PRMT9: variants seen among roughly 807,000 people sequenced by gnomAD.
PRMT9 encodes protein arginine N-methyltransferase 9.
Under a neutral mutation model 83.2 loss-of-function variants are expected in PRMT9, and 59 were observed. The observed-to-expected ratio is 0.71, with a 90% CI of 0.57 to 0.88. The LOEUF is 0.88. PRMT9 is among the 40% of genes least tolerant of loss of function. The pLI is 0.00. For missense variants in PRMT9, 947 were observed against 1,021.9 expected (o/e 0.93, Z 1.00); for synonymous variants, 333 against 353.2 (o/e 0.94, Z 0.64).
intron 4 of PRMT9, among the ~76,000 whole-genome samples, chr4:147,671,535 T>C (rs1232480802): frequency 6.6e-6 from 1 of 152,258 alleles, no homozygotes; most frequent in Non-Finnish European, 1.5e-5. Context: ...TTTATCTTCC[T>C]ATCTAGACTG....
intron 9 of PRMT9, among the ~76,000 whole-genome samples, chr4:147,650,258 C>T (rs1307420638): frequency 6.6e-6 from 1 of 152,112 alleles, no homozygotes; most frequent in African/African-American, 2.4e-5. Context: ...GATGATATGT[C>T]ATATATAGAA....
Position 147,661,470 on chromosome 4 carries a change from C to T in PRMT9, c.954-432G>A, listed in dbSNP as rs189126481. Among the ~76,000 whole-genome samples the T allele has an allele frequency of 2.0e-5, 3 of 152,242 alleles. No homozygotes were observed. The East Asian group carries it at 5.8e-4, about 29-fold the overall frequency. On this transcript the variant is annotated intron_variant, in intron 6 of 11. Transcript: ENST00000322396. Reference sequence around the variant, plus strand: ...GCACATGAGAAAAGGTGCTCAGCTTCAACAGCCACCCAGGAAATGGAGTTA... The same window carrying T: ...GCACATGAGAAAAGGTGCTCAGCTTTAACAGCCACCCAGGAAATGGAGTTA...
Position 147,683,920 on chromosome 4 carries a change from T to C in PRMT9, c.68A>G (p.Glu23Gly), listed in dbSNP as rs569321947. ...GCTCTGCAAGGACCGCGACACCAGC[T>C]CGTCCCGGCCGGCTGCCCCAGCGCC... The part of the protein sequence containing the change: ...GGGAGAAGRD[E>G]LVSRSLQSAE... Residue 23 changes from glutamate (E) to glycine (G), a missense_variant, in exon 1 of 12, where the codon GAG (glutamate) becomes GGG (glycine). Glu to Gly is a moderately conservative substitution (Grantham distance 98). Transcript: ENST00000322396. The C allele has an allele frequency of 6.2e-7, 1 of 1,613,052 alleles. No homozygotes were observed. The highest frequency in any genetic ancestry group is 1.7e-5 in the Admixed American group (1 of 60,000).
chr4:147,680,095 G>A (rs930496567), intron 2 of PRMT9, among the ~76,000 whole-genome samples: 1 of 152,126 alleles, frequency 6.6e-6, no homozygotes, highest in Non-Finnish European at 1.5e-5. Flanking sequence ...GCCCAGTGAG[G>A]GGAACTCTTC....
intron 2 of PRMT9, among the ~76,000 whole-genome samples, chr4:147,675,937 T>C (rs1314769430): frequency 1.3e-5 from 2 of 152,212 alleles, no homozygotes; most frequent in African/African-American, 4.8e-5. Context: ...ACTTTGGAAA[T>C]ATTTTTCTCC....
chr4:147,673,075 G>T lies in PRMT9; in HGVS notation c.627C>A (p.Ser209=), dbSNP rs1735841021. The stretch of plus-strand genomic sequence containing the variant: ...CACAGGCAAGTTCATACATGGTCTT[G>T]GATAACTCACAGGCATACACGGAAT... ...GAHSVYACEL[S]KTMYELACDV... Residue 209 remains serine (S), a synonymous_variant, in exon 4 of 12, where the codon TCC becomes TCA. Coordinates refer to ENST00000322396, the MANE Select transcript of PRMT9 (RefSeq NM_138364.4). 6.2e-7 allele frequency: 1 copy of T among 1,613,792 alleles called. No individual in the cohort carries two copies. Among genetic ancestry groups the T allele is most frequent in the African/African-American group, 1.3e-5 (1 of 74,880 alleles).
intron 10 of PRMT9, among the ~76,000 whole-genome samples, chr4:147,641,185 A>G (rs1049627896): frequency 2.0e-5 from 3 of 152,164 alleles, no homozygotes; most frequent in Admixed American, 1.3e-4. Flanking sequence ...CCTTCAAAAC[A>G]TAAGTCACAT....
chr4:147,658,908 G>A (rs567171014), intron 7 of PRMT9, among the ~76,000 whole-genome samples: 36 of 152,264 alleles, frequency 2.4e-4, no homozygotes, highest in East Asian at 5.8e-4. Context: ...GGCCGGGCAC[G>A]GTTGCTCACA....
At position 147,660,944 on chromosome 4, in the gene PRMT9, C is replaced by A; in HGVS notation, c.1048G>T (p.Glu350Ter). ...YSSVDTEETI[E>*]PYTTEKMSRV... is the part of the protein sequence containing the mutation. Reference sequence around the variant, plus strand: ...CTCATCTTTTCAGTTGTATAAGGTTCAATTGTTTCTTCAGTATCTACAGAA... The same window carrying A: ...CTCATCTTTTCAGTTGTATAAGGTTAAATTGTTTCTTCAGTATCTACAGAA... Residue 350 changes from glutamate to a stop codon, truncating the protein, a stop_gained, in exon 7 of 12, where the codon GAA (glutamate) becomes TAA (stop). Coordinates refer to ENST00000322396, the MANE Select transcript of PRMT9 (RefSeq NM_138364.4). LOFTEE classifies it high-confidence loss of function. 1.2e-6 allele frequency: 2 copies of A among 1,612,790 alleles called. No homozygotes were observed. The highest frequency in any genetic ancestry group is 1.7e-6 in the Non-Finnish European group (2 of 1,178,950).
intron 1 of PRMT9, among the ~76,000 whole-genome samples, chr4:147,681,840 A>G (rs2126643405): frequency 6.6e-6 from 1 of 151,988 alleles, no homozygotes; most frequent in Admixed American, 6.6e-5. Flanking sequence ...GTCTACAGAT[A>G]AGTGGCTTGG....
In PRMT9 at chr4:147,657,949, C is replaced by G; in HGVS notation, c.1173G>C (p.Lys391Asn). Residue 391 changes from lysine (K) to asparagine (N), a missense_variant, in exon 8 of 12, where the codon AAG becomes AAC. Lys to Asn is a moderately conservative substitution (Grantham distance 94, BLOSUM62 0). Transcript: ENST00000322396. ...LQELKSLATK[K>N]PDKIGIPVIK... ...TAACAGGAATACCAATCTTATCAGGCTTTTTAGTTGCAAGACTTTTTAATT... is the reference window on the plus strand; with the variant it reads ...TAACAGGAATACCAATCTTATCAGGGTTTTTAGTTGCAAGACTTTTTAATT... 6.2e-7 allele frequency: 1 copy of G among 1,606,098 alleles called. No homozygotes were observed.
intron 1 of PRMT9, 151 bp from the exon 2 acceptor site, chr4:147,680,622 G>C: frequency 1.5e-6 from 1 of 675,296 alleles, no homozygotes; most frequent in South Asian, 1.9e-5. Context: ...ACTGTTTTCT[G>C]AACAAGTGCA....
At chr4:147,665,325 T>A (rs190480396) in intron 6 of PRMT9, among the ~76,000 whole-genome samples, 131 of 152,308 alleles carry the variant, frequency 8.6e-4, no homozygotes, top group Non-Finnish European at 1.6e-3. Context: ...TACTATTAGT[T>A]GGCATTTACT....
rs771662731 is a variant in PRMT9, at chr4:147,642,873, A to G, written c.2113T>C (p.Ser705Pro). 1.2e-6 allele frequency: 2 copies of G among 1,613,812 alleles called. No individual in the cohort carries two copies. Among genetic ancestry groups the G allele is most frequent in the Non-Finnish European group, 1.7e-6 (2 of 1,179,818 alleles). ...YVLMFGLLVE[S>P]QTLLEENAVQ... Reference sequence around the variant, plus strand: ...GCATTCTCCTCTAGGAGTGTCTGTGATTCCACAAGCAACCCAAACATCAGC... The same window carrying G: ...GCATTCTCCTCTAGGAGTGTCTGTGGTTCCACAAGCAACCCAAACATCAGC... The change falls in exon 10 of 12, where the codon TCA (serine) becomes CCA (proline). Residue 705 changes from serine (S) to proline (P), a missense_variant. Ser to Pro is a moderately conservative substitution (Grantham distance 74). Transcript: ENST00000322396.
At chr4:147,640,956 T>C (rs1733358105) in intron 10 of PRMT9, among the ~76,000 whole-genome samples, 1 of 151,810 alleles carries the variant, frequency 6.6e-6, no homozygotes, top group African/African-American at 2.4e-5. Context: ...CAAGCAATCC[T>C]CCCACTTTGG....
intron 4 of PRMT9, among the ~76,000 whole-genome samples, chr4:147,671,283 C>CAA (rs1218312646): frequency 6.6e-6 from 1 of 152,164 alleles, no homozygotes; most frequent in Non-Finnish European, 1.5e-5. Flanking sequence ...CTGCATCATC[C>CAA]ATGTTTGCCT....
intron 9 of PRMT9, among the ~76,000 whole-genome samples, chr4:147,651,234 A>G (rs148704593): frequency 8.1e-4 from 123 of 152,340 alleles, no homozygotes; most frequent in African/African-American, 2.5e-3. Context: ...AAATTAACTC[A>G]AAATGGATTA....
At chr4:147,650,926 C>T (rs185441116) in intron 9 of PRMT9, among the ~76,000 whole-genome samples, 1 of 152,236 alleles carries the variant, frequency 6.6e-6, no homozygotes, top group East Asian at 1.9e-4. Flanking sequence ...CACGGTGAAA[C>T]CCCGTCTCTA....
Position 147,662,852 on chromosome 4 carries a change from G to A in PRMT9, c.954-1814C>T, listed in dbSNP as rs944411533. 5.6e-4 allele frequency among the ~76,000 whole-genome samples: 85 copies of A among 152,038 alleles called. 1 individual carries two copies. The Middle Eastern group carries it at 0.01, about 18-fold the overall frequency. ...TTTACAATGAAAATTTAAACATTTT[G>A]TAAAAGGAAACTACTCCAACCTCAT... On this transcript the variant is annotated intron_variant, in intron 6 of 11. Coordinates refer to ENST00000322396, the MANE Select transcript of PRMT9 (RefSeq NM_138364.4).
Sources: allele counts gnomAD v4.1 joint callset (sites outside exome capture counted in the v4.1 genomes callset), GRCh38; gene constraint gnomAD v4.1.1; transcripts MANE v1.5; gene names NCBI Gene and HGNC (gene_info 2026-07-23, HGNC 2026-07-21).